FGGY: variants seen among roughly 807,000 people sequenced by gnomAD.
The protein encoded by FGGY is FGGY carbohydrate kinase domain containing.
In FGGY, 72 loss-of-function variants were observed where a neutral mutation model predicts 71.3. That is an observed-to-expected ratio of 1.01 (90% CI 0.84 to 1.23). The LOEUF (loss-of-function observed/expected upper bound fraction) is 1.23. FGGY is among the 50% of genes most tolerant of loss of function. The pLI is 0.00. For synonymous variants in FGGY, 251 were observed against 250.3 expected (o/e 1.00, Z -0.02); for missense variants, 668 against 682.3 (o/e 0.98, Z 0.23).
At chr1:59,730,048 G>C (rs1421361825) in intron 14 of FGGY, among the ~76,000 whole-genome samples, 1 of 152,188 alleles carries the variant, frequency 6.6e-6, no homozygotes, top group South Asian at 2.1e-4. Context: ...ACCGATGAAA[G>C]TGTGGGCCCC....
intron 7 of FGGY, among the ~76,000 whole-genome samples, chr1:59,552,606 G>A (rs1445859233): frequency 6.6e-6 from 1 of 152,156 alleles, no homozygotes; most frequent in Non-Finnish European, 1.5e-5. Context: ...GTGGTCTGAT[G>A]AGACATTCCC....
intron 14 of FGGY, among the ~76,000 whole-genome samples, chr1:59,703,338 T>C (rs2097726038): frequency 6.6e-6 from 1 of 152,146 alleles, no homozygotes; most frequent in African/African-American, 2.4e-5. Flanking sequence ...GGTTAAATCA[T>C]TAAGCCCCCA....
At chr1:59,421,801 T>A (rs34602153) in intron 5 of FGGY, among the ~76,000 whole-genome samples, 26,046 of 152,006 alleles carry the variant, frequency 0.17, 2,691 homozygotes, top group East Asian at 0.35. Context: ...GCTTGAGGTC[T>A]CATTTGACTA....
intron 5 of FGGY, among the ~76,000 whole-genome samples, chr1:59,385,792 A>G (rs1380943024): frequency 6.6e-6 from 1 of 152,166 alleles, no homozygotes; most frequent in Non-Finnish European, 1.5e-5. Flanking sequence ...ATTCATAATT[A>G]CTAATAACTT....
chr1:59,540,488 G>T (rs559594077), intron 7 of FGGY, among the ~76,000 whole-genome samples: 31 of 152,260 alleles, frequency 2.0e-4, no homozygotes, highest in African/African-American at 6.0e-4. Context: ...AAAATACACC[G>T]AATGGTTTAA....
chr1:59,568,908 G>A (rs1450118616), intron 8 of FGGY, among the ~76,000 whole-genome samples: 1 of 151,866 alleles, frequency 6.6e-6, no homozygotes, highest in Non-Finnish European at 1.5e-5. Context: ...ATAACAATTT[G>A]TATCATCATT....
chr1:59,564,786 G>A (rs1287486494), intron 8 of FGGY, among the ~76,000 whole-genome samples: 1 of 152,192 alleles, frequency 6.6e-6, no homozygotes, highest in Non-Finnish European at 1.5e-5. Flanking sequence ...GCCAGGCAGG[G>A]ATATCTGGCC....
intron 6 of FGGY, 31 bp downstream of exon 6, chr1:59,457,107 A>T: frequency 6.8e-7 from 1 of 1,467,440 alleles, no homozygotes; most frequent in African/African-American, 1.4e-5. Flanking sequence ...TAGAGTGATT[A>T]TGTGCATTGG....
At chr1:59,577,293 C>A (rs1024342042) in intron 8 of FGGY, among the ~76,000 whole-genome samples, 6 of 152,140 alleles carry the variant, frequency 3.9e-5, no homozygotes, top group African/African-American at 1.4e-4. Context: ...TTAATCAGGA[C>A]AAAAATAAAA....
At chr1:59,412,269 G>T (rs1362854965) in intron 5 of FGGY, among the ~76,000 whole-genome samples, 1 of 152,078 alleles carries the variant, frequency 6.6e-6, no homozygotes, top group Admixed American at 6.6e-5. Context: ...ATCTCACTCT[G>T]TTCCCACACA....
intron 6 of FGGY, among the ~76,000 whole-genome samples, chr1:59,493,217 G>A (rs2093932367): frequency 2.0e-5 from 3 of 151,938 alleles, no homozygotes; most frequent in South Asian, 4.2e-4. Flanking sequence ...TGTGGCTGCT[G>A]TAAAACATGG....
intron 10 of FGGY, 74 bp from the exon 11 acceptor site, chr1:59,638,154 T>G: frequency 1.4e-6 from 2 of 1,448,744 alleles, no homozygotes; most frequent in Non-Finnish European, 1.9e-6. Context: ...GAAGTACAAA[T>G]GGTTTCTTTC....
intron 7 of FGGY, among the ~76,000 whole-genome samples, chr1:59,530,400 AC>A (rs1558236644): frequency 2.6e-5 from 4 of 152,236 alleles, no homozygotes; most frequent in Non-Finnish European, 5.9e-5. Flanking sequence ...TGTGCTAGGT[AC>A]TAAAGATATA....
At chr1:59,611,712 G>A (rs371568645) in intron 9 of FGGY, among the ~76,000 whole-genome samples, 180 of 152,294 alleles carry the variant, frequency 1.2e-3, no homozygotes, top group African/African-American at 4.0e-3. Flanking sequence ...AGCTAAAGGA[G>A]GAAGTTCGAA....
chr1:59,397,036 CT>C (rs59388353), intron 5 of FGGY, among the ~76,000 whole-genome samples: 10,582 of 142,618 alleles, frequency 0.074, 551 homozygotes, highest in African/African-American at 0.15. Context: ...CTTGAGTCTG[CT>C]TTTTTTTTTT....
At chr1:59,634,921 A>G (rs971640813) in intron 10 of FGGY, among the ~76,000 whole-genome samples, 1 of 152,110 alleles carries the variant, frequency 6.6e-6, no homozygotes, top group African/African-American at 2.4e-5. Context: ...TATTGAAACT[A>G]TATTTTCTTC....
chr1:59,540,421 T>C (rs2095422369), intron 7 of FGGY, among the ~76,000 whole-genome samples: 1 of 152,228 alleles, frequency 6.6e-6, no homozygotes, highest in African/African-American at 2.4e-5. Context: ...AAAATATTGC[T>C]ACATGCAGCA....
chr1:59,401,997 G>T (rs1169112868), intron 5 of FGGY, among the ~76,000 whole-genome samples: 1 of 152,166 alleles, frequency 6.6e-6, no homozygotes, highest in East Asian at 1.9e-4. Flanking sequence ...ATACTATTCA[G>T]TGTTTCGATT....
At position 59,401,428 on chromosome 1, in the gene FGGY, A is replaced by G. The variant is rs547605378; in HGVS notation, c.554+22591A>G. ...TGGAGACCCTTGCTATCACATTGTC[A>G]TTGATCATGCACATTGATCATGCCC... On this transcript the variant is annotated intron_variant, in intron 5 of 15. Transcript: ENST00000303721. 3.9e-5 allele frequency among the ~76,000 whole-genome samples: 6 copies of G among 152,342 alleles called. No individual in the cohort carries two copies. In the South Asian group the frequency reaches 1.2e-3, roughly 32 times the overall value.
Sources: gnomAD v4.1 joint callset for allele counts (sites outside exome capture counted in the v4.1 genomes callset) on GRCh38, gnomAD v4.1.1 for gene constraint, MANE v1.5 for transcripts, NCBI Gene and HGNC (gene_info 2026-07-23, HGNC 2026-07-21) for gene names.